TRIM2: variants seen among roughly 807,000 people sequenced by gnomAD.
TRIM2 encodes the protein tripartite motif-containing protein 2.
TRIM2 carries 20 observed loss-of-function variants against 75.2 expected under a neutral mutation model. The observed-to-expected ratio is 0.27, with a 90% CI of 0.19 to 0.39. The LOEUF (loss-of-function observed/expected upper bound fraction) is 0.39. TRIM2 is among the 10% of genes least tolerant of loss of function. The pLI is 1.00. For synonymous variants in TRIM2, 373 were observed against 388.3 expected (o/e 0.96, Z 0.46); for missense variants, 660 against 990.8 (o/e 0.67, Z 4.48).
chr4:153,291,022 G>A (rs1244020083), intron 3 of TRIM2, among the ~76,000 whole-genome samples: 1 of 150,920 alleles, frequency 6.6e-6, no homozygotes. Flanking sequence ...CAAAGTACAT[G>A]AAATTACAGC....
rs1181272450 is a variant in TRIM2, at chr4:153,327,283, T to A, written c.2023-1247T>A. ...AGCCATGACTCTTTCTTTTTTATCG[T>A]AATGTGAGTTTAGCCTGTAGAGATG... On this transcript the variant is annotated intron_variant, in intron 10 of 11. Transcript: ENST00000338700. Among the ~76,000 whole-genome samples the A allele has an allele frequency of 3.3e-5, 5 of 152,326 alleles. No homozygotes were observed. In the East Asian group the frequency reaches 9.6e-4, roughly 29 times the overall value.
chr4:153,313,392 G>T (rs1337598222), intron 6 of TRIM2, among the ~76,000 whole-genome samples: 1 of 151,998 alleles, frequency 6.6e-6, no homozygotes, highest in African/African-American at 2.4e-5. Flanking sequence ...CCACCACCTG[G>T]GTCTGGTGAG....
At chr4:153,180,789 T>C (rs1010952749) in intron 1 of TRIM2, among the ~76,000 whole-genome samples, 1 of 152,228 alleles carries the variant, frequency 6.6e-6, no homozygotes, top group African/African-American at 2.4e-5. Context: ...CCTAGAAATA[T>C]TTTTAAGAGT....
chr4:153,276,168 G>A (rs769741239), intron 3 of TRIM2, 38 bp downstream of exon 3: 1 of 1,558,830 alleles, frequency 6.4e-7, no homozygotes, highest in African/African-American at 1.4e-5. Context: ...CCGGGAGCAT[G>A]ACTACTGTGG....
chr4:153,289,378 A>G (rs1323765232), intron 3 of TRIM2, among the ~76,000 whole-genome samples: 1 of 152,218 alleles, frequency 6.6e-6, no homozygotes. Context: ...AGTCTGTTCC[A>G]GTAGATTAGC....
intron 1 of TRIM2, among the ~76,000 whole-genome samples, chr4:153,182,069 C>T (rs896500859): frequency 2.0e-5 from 3 of 152,110 alleles, no homozygotes; most frequent in African/African-American, 7.2e-5. Flanking sequence ...CTCAGTCTAC[C>T]GAGTGCCCAA....
At chr4:153,178,025 C>T (rs1193200165) in intron 1 of TRIM2, among the ~76,000 whole-genome samples, 1 of 152,134 alleles carries the variant, frequency 6.6e-6, no homozygotes, top group East Asian at 1.9e-4. Context: ...CACTCCCAAA[C>T]TCCTGGGCTC....
intron 2 of TRIM2, among the ~76,000 whole-genome samples, chr4:153,272,241 C>T (rs963014652): frequency 8.0e-4 from 121 of 152,102 alleles, no homozygotes; most frequent in Middle Eastern, 6.8e-3. Flanking sequence ...CTCTGCCTCC[C>T]GGATTCACGC....
intron 3 of TRIM2, among the ~76,000 whole-genome samples, chr4:153,285,902 C>T (rs1466201089): frequency 6.6e-6 from 1 of 152,106 alleles, no homozygotes; most frequent in African/African-American, 2.4e-5. Context: ...TGGTCAGCAC[C>T]TTCAGTACAC....
intron 1 of TRIM2, among the ~76,000 whole-genome samples, chr4:153,244,879 G>C (rs951740957): frequency 6.6e-6 from 1 of 152,220 alleles, no homozygotes; most frequent in Non-Finnish European, 1.5e-5. Context: ...TGGGATACCT[G>C]TTTTACAGCT....
chr4:153,296,183 T>C (rs1762726222), intron 6 of TRIM2, 147 bp downstream of exon 6: 3 of 1,112,756 alleles, frequency 2.7e-6, no homozygotes, highest in Non-Finnish European at 3.5e-6. Context: ...TGATATATTT[T>C]GTTAGTCGAG....
chr4:153,188,441 CA>C (rs1311788573), intron 1 of TRIM2, among the ~76,000 whole-genome samples: 1 of 152,074 alleles, frequency 6.6e-6, no homozygotes, highest in Non-Finnish European at 1.5e-5. Context: ...GCCTAGGTAA[CA>C]AAGTGAGACT....
intron 4 of TRIM2, 115 bp from the exon 5 acceptor site, chr4:153,294,190 T>G: frequency 9.4e-7 from 1 of 1,065,956 alleles, no homozygotes; most frequent in Non-Finnish European, 1.3e-6. Flanking sequence ...GGTTATTGTT[T>G]TTTTAAAGAT....
At chr4:153,247,194 A>C (rs1258088362) in intron 1 of TRIM2, among the ~76,000 whole-genome samples, 1 of 152,220 alleles carries the variant, frequency 6.6e-6, no homozygotes, top group African/African-American at 2.4e-5. Context: ...CATGAGAACC[A>C]GTGGCAGGTA....
intron 1 of TRIM2, among the ~76,000 whole-genome samples, chr4:153,184,932 G>A (rs749066703): frequency 1.8e-4 from 27 of 152,132 alleles, no homozygotes; most frequent in Non-Finnish European, 2.9e-4. Context: ...GGGTGACAGA[G>A]TGAGACTCTG....
In TRIM2 at chr4:153,293,142, C is replaced by A. The variant is rs532381432; in HGVS notation, c.605+9C>A. On this transcript the variant is annotated intron_variant, in intron 4 of 11. Coordinates refer to ENST00000338700, the MANE Select transcript of TRIM2 (RefSeq NM_015271.5). ...GATGCTGTCAACAAAAGGTGGGGGA[C>A]CCCTCCCCAAACCCCCAACTGGCTG... 124 of 1,597,822 alleles carry A rather than the reference C, an allele frequency of 7.8e-5. No individual in the cohort carries two copies. In the Admixed American group the frequency reaches 1.1e-3, roughly 14 times the overall value.
intron 1 of TRIM2, among the ~76,000 whole-genome samples, chr4:153,194,136 A>C (rs979064921): frequency 2.0e-5 from 3 of 152,172 alleles, no homozygotes; most frequent in Non-Finnish European, 2.9e-5. Context: ...GAGCCTAAGT[A>C]TATGTAATTT....
At chr4:153,200,930 G>T (rs564712424), upstream of TRIM2, among the ~76,000 whole-genome samples, 2 of 151,638 alleles carry the variant, frequency 1.3e-5, no homozygotes, top group South Asian at 4.2e-4. Context: ...GGGATTACAG[G>T]TATGAGCCAC....
intron 1 of TRIM2, among the ~76,000 whole-genome samples, chr4:153,264,559 G>A (rs887699202): frequency 6.6e-6 from 1 of 152,212 alleles, no homozygotes; most frequent in African/African-American, 2.4e-5. Flanking sequence ...ATGGGGAAAG[G>A]AGACCAGCAA....
Sources: allele counts gnomAD v4.1 joint callset (sites outside exome capture counted in the v4.1 genomes callset), GRCh38; gene constraint gnomAD v4.1.1; transcripts MANE v1.5; gene names NCBI Gene and HGNC (gene_info 2026-07-23, HGNC 2026-07-21).